Variants in PARD3 observed in about 807,000 individuals in gnomAD.
The protein encoded by PARD3 is partitioning defective 3 homolog.
Under a neutral mutation model 155.4 loss-of-function variants are expected in PARD3, and 75 were observed. That is an observed-to-expected ratio of 0.48 (90% CI 0.40 to 0.58). The LOEUF (loss-of-function observed/expected upper bound fraction) is 0.58, where lower values mean the gene tolerates loss of function less well. Among genes scored for constraint, PARD3 ranks in the 20% least tolerant of loss-of-function variants. The pLI, the probability that PARD3 is intolerant of heterozygous loss-of-function variation, is 0.00. For synonymous variants in PARD3, 576 were observed against 610.5 expected (o/e 0.94, Z 0.83); for missense variants, 1,642 against 1,721.7 (o/e 0.95, Z 0.82).
intron 24 of PARD3, among the ~76,000 whole-genome samples, 182 bp downstream of exon 24, chr10:34,119,431 C>T (rs888847353): frequency 6.6e-6 from 1 of 152,194 alleles, no homozygotes; most frequent in South Asian, 2.1e-4. Context: ...TTTCCCCTGG[C>T]CTCGCAGTAC....
intron 22 of PARD3, among the ~76,000 whole-genome samples, chr10:34,231,434 A>T (rs1952926699): frequency 6.6e-6 from 1 of 152,032 alleles, no homozygotes; most frequent in South Asian, 2.1e-4. Flanking sequence ...TCTATGGCAT[A>T]TTCCAAACCT....
At chr10:34,360,513 G>A (rs1026117964) in intron 12 of PARD3, among the ~76,000 whole-genome samples, 3 of 152,144 alleles carry the variant, frequency 2.0e-5, no homozygotes, top group Non-Finnish European at 2.9e-5. Context: ...AAGATAGAGG[G>A]AAAATGTAGT....
At chr10:34,766,185 C>T (rs1459091621) in intron 1 of PARD3, among the ~76,000 whole-genome samples, 1 of 152,186 alleles carries the variant, frequency 6.6e-6, no homozygotes, top group Non-Finnish European at 1.5e-5. Context: ...CATGGATTAA[C>T]CAATACTAAA....
chr10:34,170,595 C>A (rs1949740845), intron 22 of PARD3, among the ~76,000 whole-genome samples: 1 of 151,958 alleles, frequency 6.6e-6, no homozygotes, highest in African/African-American at 2.4e-5. Flanking sequence ...AGACACTGAC[C>A]CTAGACAGAG....
In PARD3 at chr10:34,121,490, T is replaced by G. The variant is rs186527266; in HGVS notation, c.3541-1750A>C. On this transcript the variant is annotated intron_variant, in intron 23 of 24. Transcript: ENST00000374788. ...TTAGAGTTGAAAGCTAATGGTAGAC[T>G]TTGCCCTGATAATGATTTTCTAAAA... is the stretch of plus-strand genomic sequence containing the variant. 7.2e-5 allele frequency among the ~76,000 whole-genome samples: 11 copies of G among 152,350 alleles called. No individual in the cohort carries two copies. In the East Asian group the frequency reaches 2.1e-3, roughly 29 times the overall value.
intron 22 of PARD3, among the ~76,000 whole-genome samples, chr10:34,140,995 T>C (rs1474097679): frequency 6.6e-6 from 1 of 152,172 alleles, no homozygotes; most frequent in African/African-American, 2.4e-5. Flanking sequence ...AATTTGAACA[T>C]TGAAAAAAAT....
intron 23 of PARD3, among the ~76,000 whole-genome samples, chr10:34,120,004 A>ATTTTTTTTTTTTTTTTTTTTTTTTTT (rs1185067110): frequency 2.7e-5 from 2 of 73,794 alleles, no homozygotes; most frequent in African/African-American, 5.9e-5. Context: ...GTCTTCTTTA[A>ATTTTTTTTTTTTTTTTTTTTTTTTTT]TTTTTTTTTT....
intron 5 of PARD3, among the ~76,000 whole-genome samples, chr10:34,422,143 T>C (rs1001987830): frequency 1.4e-4 from 21 of 152,168 alleles, no homozygotes; most frequent in African/African-American, 4.6e-4. Context: ...CCTTTGTCTA[T>C]GCAGTTATAA....
At chr10:34,504,566 G>C (rs968513240) in intron 3 of PARD3, among the ~76,000 whole-genome samples, 4 of 152,056 alleles carry the variant, frequency 2.6e-5, no homozygotes, top group African/African-American at 7.2e-5. Context: ...TTAATAAACT[G>C]ATTTAGACTT....
intron 2 of PARD3, among the ~76,000 whole-genome samples, chr10:34,682,466 T>G (rs2093861194): frequency 6.6e-6 from 1 of 152,050 alleles, no homozygotes; most frequent in Non-Finnish European, 1.5e-5. Flanking sequence ...CTCTATAAAT[T>G]CATAGAAATA....
intron 2 of PARD3, among the ~76,000 whole-genome samples, chr10:34,595,210 G>A (rs767245641): frequency 2.0e-5 from 3 of 152,062 alleles, no homozygotes; most frequent in Non-Finnish European, 4.4e-5. Flanking sequence ...CTTCCATTCC[G>A]GCTTTGAAGA....
chr10:34,723,009 T>C (rs1335650803), intron 1 of PARD3, among the ~76,000 whole-genome samples: 1 of 152,116 alleles, frequency 6.6e-6, no homozygotes, highest in Non-Finnish European at 1.5e-5. Context: ...ACAATTGTAG[T>C]ATATTTGAAA....
intron 2 of PARD3, among the ~76,000 whole-genome samples, chr10:34,692,789 G>A (rs1410069172): frequency 2.0e-5 from 3 of 152,116 alleles, no homozygotes; most frequent in African/African-American, 4.8e-5. Context: ...CCAGAGAATC[G>A]CTTAAACCCA....
intron 22 of PARD3, among the ~76,000 whole-genome samples, chr10:34,265,480 C>T (rs941745795): frequency 6.6e-6 from 1 of 152,132 alleles, no homozygotes; most frequent in Non-Finnish European, 1.5e-5. Flanking sequence ...AGAACAGATG[C>T]AGGCTACACA....
chr10:34,755,323 A>G (rs2133977496), intron 1 of PARD3, among the ~76,000 whole-genome samples: 1 of 152,068 alleles, frequency 6.6e-6, no homozygotes, highest in East Asian at 1.9e-4. Context: ...GAGGCAGGAA[A>G]ATCGCTTGAG....
At chr10:34,319,374 C>T (rs1432193515) in intron 19 of PARD3, among the ~76,000 whole-genome samples, 1 of 152,198 alleles carries the variant, frequency 6.6e-6, no homozygotes, top group African/African-American at 2.4e-5. Context: ...GGGTGAGTCA[C>T]ACCCAGCCCA....
intron 1 of PARD3, among the ~76,000 whole-genome samples, chr10:34,804,413 C>T (rs1843131785): frequency 6.6e-6 from 1 of 152,180 alleles, no homozygotes; most frequent in Admixed American, 6.5e-5. Context: ...ATCCTATGTT[C>T]AACATTAATG....
Position 34,121,397 on chromosome 10 carries a change from T to C in PARD3, c.3541-1657A>G, listed in dbSNP as rs1192110584. ...GCCACCCTCAGTTCCCCCTCTGTTA[T>C]GCAACGTTGTGCAACAGGCATAGTC... On this transcript the variant is annotated intron_variant, in intron 23 of 24. Transcript: ENST00000374788. Among the ~76,000 whole-genome samples the C allele has an allele frequency of 4.6e-5, 7 of 152,362 alleles. No homozygotes were observed. The East Asian group carries it at 1.2e-3, about 25-fold the overall frequency.
intron 1 of PARD3, among the ~76,000 whole-genome samples, chr10:34,733,576 C>T (rs1156353954): frequency 6.6e-6 from 1 of 152,168 alleles, no homozygotes; most frequent in Non-Finnish European, 1.5e-5. Context: ...CTCCTCCTCC[C>T]GGGCTCAAGC....
Sources: gnomAD v4.1 joint callset for allele counts (sites outside exome capture counted in the v4.1 genomes callset) on GRCh38, gnomAD v4.1.1 for gene constraint, MANE v1.5 for transcripts, NCBI Gene and HGNC (gene_info 2026-07-23, HGNC 2026-07-21) for gene names.